The following CAMKV variants were observed in gnomAD, a reference collection of about 807,000 sequenced individuals.
CAMKV encodes the protein caM kinase-like vesicle-associated protein.
A neutral mutation model predicts 50.2 loss-of-function variants in CAMKV; 5 were observed. The ratio of observed to expected loss-of-function variants is 0.10; its 90% CI spans 0.05 to 0.21. CAMKV has a LOEUF of 0.21. Ranked by LOEUF, CAMKV falls within the 10% of genes least tolerant of loss-of-function variation. The pLI is 1.00. For synonymous variants in CAMKV, 229 were observed against 250.1 expected (o/e 0.92, Z 0.80); for missense variants, 361 against 650.5 (o/e 0.55, Z 4.84).
chr3:49,859,951 C>T lies in CAMKV; in HGVS notation c.943-70G>A. ...GATCCATTGCTTGGCAGTGACCAAA[C>T]CAAACTCCTTCCATAGTACCCCCGG... On this transcript the variant is annotated intron_variant, in intron 10 of 10. Coordinates refer to ENST00000477224, the MANE Select transcript of CAMKV (RefSeq NM_024046.5). This position sits in a 1 kb window ranked among gnomAD's most constrained non-coding sequence, Gnocchi z 5.5. The T allele has an allele frequency of 7.0e-7, 1 of 1,422,004 alleles. No homozygotes were observed. The highest frequency in any genetic ancestry group is 9.4e-7 in the Non-Finnish European group (1 of 1,066,360). The allele number at this position is 1,422,004 out of a possible 1,614,324, so 88.1% of individuals were successfully genotyped here. A position where few individuals can be genotyped will look rare whatever the true frequency, so the allele number is the denominator to read the frequency against.
chr3:49,859,402 G>A lies in CAMKV; in HGVS notation c.1422C>T (p.Gly474=), dbSNP rs199584092. Residue 474 remains glycine, a synonymous_variant, in exon 11 of 11, where the codon GGC becomes GGT. Coordinates refer to ENST00000477224, the MANE Select transcript of CAMKV (RefSeq NM_024046.5). The surrounding 1 kb of genome is among the most constrained non-coding windows in gnomAD (Gnocchi z 5.5). ...MAQPDSTAPE[G]ATGQAPPSSK... ...TAGAGGGTGGAGCCTGGCCTGTGGC[G>A]CCCTCTGGGGCTGTGCTGTCCGGCT... The A allele has an allele frequency of 2.6e-5, 42 of 1,600,132 alleles. No homozygotes were observed. In the Middle Eastern group the frequency reaches 6.7e-4, roughly 25 times the overall value.
In CAMKV at chr3:49,858,978, G is replaced by C. The variant is rs2081998481; in HGVS notation, c.*340C>G. ...CAGGGCCTGCCTAGGGGAATGGTGA[G>C]GCAAGAAGGGAAGGGGAAGGAGAGC... On this transcript the variant is annotated 3_prime_UTR_variant, in exon 11 of 11. Coordinates refer to ENST00000477224, the MANE Select transcript of CAMKV (RefSeq NM_024046.5). 4.3e-6 allele frequency: 1 copy of C among 230,998 alleles called. No individual in the cohort carries two copies. The highest frequency in any genetic ancestry group is 2.2e-5 in the African/African-American group (1 of 44,488). The allele number at this position is 230,998 out of a possible 1,614,324, so 14.3% of individuals were successfully genotyped here.
rs1471952203 is a variant in CAMKV, at chr3:49,860,141, G to C, written c.942+30C>G. On this transcript the variant is annotated intron_variant, in intron 10 of 10. Coordinates refer to ENST00000477224, the MANE Select transcript of CAMKV (RefSeq NM_024046.5). This position sits in a 1 kb window ranked among gnomAD's most constrained non-coding sequence, Gnocchi z 6.1. The stretch of plus-strand genomic sequence containing the variant: ...AGTGCCAGAAGCAATACTTGGGATA[G>C]AGCCAAGAAGGGAGTTATCCAAGCC... 4 of 1,585,954 alleles carry C rather than the reference G, an allele frequency of 2.5e-6. No homozygotes were observed. Among genetic ancestry groups the C allele is most frequent in the Non-Finnish European group, 3.5e-6 (4 of 1,154,406 alleles).
In CAMKV at chr3:49,862,263, C is replaced by T; in HGVS notation, c.95+31G>A. On this transcript the variant is annotated intron_variant, in intron 2 of 10. Transcript: ENST00000477224. This position sits in a 1 kb window ranked among gnomAD's most constrained non-coding sequence, Gnocchi z 5.2. ...TCCCTAGCCCCTGCTCACCAGCCCA[C>T]CCAGCCTTGCCTGACAGGCCCGGCA... 6.2e-7 allele frequency: 1 copy of T among 1,614,146 alleles called. No individual in the cohort carries two copies. The highest frequency in any genetic ancestry group is 8.5e-7 in the Non-Finnish European group (1 of 1,180,010).
chr3:49,859,917 G>T lies in CAMKV; in HGVS notation c.943-36C>A. 1.3e-6 allele frequency: 2 copies of T among 1,498,732 alleles called. No individual in the cohort carries two copies. The highest frequency in any genetic ancestry group is 2.3e-5 in the East Asian group (1 of 44,036). The allele number at this position is 1,498,732 out of a possible 1,614,324, so 92.8% of individuals were successfully genotyped here. A position where few individuals can be genotyped will look rare whatever the true frequency, so the allele number is the denominator to read the frequency against. The stretch of plus-strand genomic sequence containing the variant: ...CACAGTGGAGAAAGGCTAAGGGTGA[G>T]GCTTGCTGGATCCATTGCTTGGCAG... On this transcript the variant is annotated intron_variant, in intron 10 of 10. Transcript: ENST00000477224. This position sits in a 1 kb window ranked among gnomAD's most constrained non-coding sequence, Gnocchi z 5.5.
chr3:49,867,243 C>T (rs1321067154), intron 1 of CAMKV, among the ~76,000 whole-genome samples: 1 of 152,270 alleles, frequency 6.6e-6, no homozygotes, highest in Admixed American at 6.5e-5. Flanking sequence ...GGCCAAGCTT[C>T]TAGACCACCA....
At chr3:49,863,008 C>G (rs991684459) in intron 1 of CAMKV, among the ~76,000 whole-genome samples, 6 of 152,194 alleles carry the variant, frequency 3.9e-5, no homozygotes, top group Admixed American at 3.9e-4. Flanking sequence ...TGAAAACAGA[C>G]CAAATACCAC....
chr3:49,867,622 GA>G (rs888252496), intron 1 of CAMKV, among the ~76,000 whole-genome samples: 1 of 152,172 alleles, frequency 6.6e-6, no homozygotes, highest in African/African-American at 2.4e-5. Context: ...AGGGGAGGGG[GA>G]GGGGAGATGT....
chr3:49,863,845 G>A (rs574218434), intron 1 of CAMKV, among the ~76,000 whole-genome samples: 1 of 151,900 alleles, frequency 6.6e-6, no homozygotes, highest in Admixed American at 6.6e-5. Flanking sequence ...TTTTTTTGTA[G>A]ATACAGGATT....
At chr3:49,865,867 G>T (rs1176495951) in intron 1 of CAMKV, among the ~76,000 whole-genome samples, 1 of 152,218 alleles carries the variant, frequency 6.6e-6, no homozygotes, top group African/African-American at 2.4e-5. Context: ...TGGGTGGGAG[G>T]TTTTGTGCAT....
chr3:49,865,927 GC>G (rs2082061700), intron 1 of CAMKV, among the ~76,000 whole-genome samples: 1 of 152,166 alleles, frequency 6.6e-6, no homozygotes, highest in South Asian at 2.1e-4. Flanking sequence ...ATGCATTCGT[GC>G]CCACTGAGGT....
rs2681781 is a variant in CAMKV, at chr3:49,860,840, A to G, written c.651T>C (p.Asn217=). The change falls in exon 8 of 11, where the codon AAT becomes AAC. Residue 217 remains asparagine (N), a synonymous_variant. Transcript: ENST00000477224. This position sits in a 1 kb window ranked among gnomAD's most constrained non-coding sequence, Gnocchi z 6.1. ...CTTCCACCTCCTCATAGAAAGGTGG[A>G]TTGCCTGAAAGCCTGCATGGGGGAA... The part of the protein sequence containing the change: ...GVIMYILLSG[N]PPFYEEVEED... The G allele has an allele frequency of 0.47, 757,588 of 1,613,624 alleles. 186,207 individuals carry two copies. Among genetic ancestry groups the G allele is most frequent in the African/African-American group, 0.64 (47,614 of 74,912 alleles).
In CAMKV at chr3:49,860,364, G is replaced by A; in HGVS notation, c.855-106C>T. The A allele has an allele frequency of 6.6e-7, 1 of 1,512,616 alleles. No individual in the cohort carries two copies. Among genetic ancestry groups the A allele is most frequent in the Non-Finnish European group, 9.2e-7 (1 of 1,091,582 alleles). 93.7% of individuals were successfully genotyped at this position (1,512,616 alleles called of 1,614,324 possible). ...AGGGACTACCAGGCAGAGCCTCTGGGCTGCCCTGAGCTCTAGGTACCTGCA... is the reference window on the plus strand; with the variant it reads ...AGGGACTACCAGGCAGAGCCTCTGGACTGCCCTGAGCTCTAGGTACCTGCA... On this transcript the variant is annotated intron_variant, in intron 9 of 10. Transcript: ENST00000477224. The surrounding 1 kb of genome is among the most constrained non-coding windows in gnomAD (Gnocchi z 6.1).
chr3:49,861,489 C>G lies in CAMKV; in HGVS notation c.391G>C (p.Glu131Gln). 1 of 1,614,178 alleles carries G rather than the reference C, an allele frequency of 6.2e-7. No homozygotes were observed. Among genetic ancestry groups the G allele is most frequent in the Non-Finnish European group, 8.5e-7 (1 of 1,180,040 alleles). ...DTSNVVRQVL[E>Q]AVAYLHSLKI... is the part of the protein sequence containing the mutation. ...AGTGAGTGCAAATAGGCCACGGCCTCCAGGACTTGCCGTACCACGTTGCTT... is the reference window on the plus strand; with the variant it reads ...AGTGAGTGCAAATAGGCCACGGCCTGCAGGACTTGCCGTACCACGTTGCTT... The change falls in exon 5 of 11, where the codon GAG (glutamate) becomes CAG (glutamine). Residue 131 changes from glutamate to glutamine, a missense_variant. Glu to Gln is a conservative substitution (Grantham distance 29, BLOSUM62 2). Around this residue, in one of 4 missense-constraint regions of CAMKV, gnomAD observed 172 missense variants for 414.3 expected, o/e 0.42. Transcript: ENST00000477224. This position sits in a 1 kb window ranked among gnomAD's most constrained non-coding sequence, Gnocchi z 7.7.
chr3:49,864,189 A>C (rs2082045883), intron 1 of CAMKV, among the ~76,000 whole-genome samples: 1 of 152,200 alleles, frequency 6.6e-6, no homozygotes, highest in Non-Finnish European at 1.5e-5. Flanking sequence ...GATTCCTCAG[A>C]GGGATAATCT....
In CAMKV at chr3:49,859,895, A is replaced by G. The variant is rs757732533; in HGVS notation, c.943-14T>C. 6.6e-7 allele frequency: 1 copy of G among 1,508,966 alleles called. No individual in the cohort carries two copies. The highest frequency in any genetic ancestry group is 2.3e-5 in the East Asian group (1 of 44,122). 93.5% of individuals were successfully genotyped at this position (1,508,966 alleles called of 1,614,324 possible). On this transcript the variant is annotated splice_polypyrimidine_tract_variant and intron_variant, in intron 10 of 10. Coordinates refer to ENST00000477224, the MANE Select transcript of CAMKV (RefSeq NM_024046.5). The surrounding 1 kb of genome is among the most constrained non-coding windows in gnomAD (Gnocchi z 5.5). ...TCGGACAGCCTTCTGAAAGGAGCAC[A>G]GTGGAGAAAGGCTAAGGGTGAGGCT...
Position 49,859,681 on chromosome 3 carries a change from G to T in CAMKV, c.1143C>A (p.Pro381=). The T allele has an allele frequency of 6.2e-7, 1 of 1,613,824 alleles. No homozygotes were observed. The highest frequency in any genetic ancestry group is 8.5e-7 in the Non-Finnish European group (1 of 1,179,906). Residue 381 remains proline (P), a synonymous_variant, in exon 11 of 11, where the codon CCC becomes CCA. Coordinates refer to ENST00000477224, the MANE Select transcript of CAMKV (RefSeq NM_024046.5). This position sits in a 1 kb window ranked among gnomAD's most constrained non-coding sequence, Gnocchi z 5.5. ...TGGCTGGGGTGGCACTACGGTCTGC[G>T]GGGGCCACATTATCACTCTTTGCAG... ...ARAAKSDNVA[P]ADRSATPATD...
Position 49,862,646 on chromosome 3 carries a change from T to C in CAMKV, c.-14-244A>G, listed in dbSNP as rs1465576671. On this transcript the variant is annotated intron_variant, in intron 1 of 10. Coordinates refer to ENST00000477224, the MANE Select transcript of CAMKV (RefSeq NM_024046.5). The surrounding 1 kb of genome is among the most constrained non-coding windows in gnomAD (Gnocchi z 5.2). ...TGAAAAAATGTATTAAGCTGATATATAAGGGAATAGTTTTGTATTCTATAC... is the reference window on the plus strand; with the variant it reads ...TGAAAAAATGTATTAAGCTGATATACAAGGGAATAGTTTTGTATTCTATAC... Among the ~76,000 whole-genome samples, 2 of 152,210 alleles carry C rather than the reference T, an allele frequency of 1.3e-5. No homozygotes were observed.
rs147195969 is a variant in CAMKV at position 49,860,723 on chromosome 3, C to G, written c.768G>C (p.Ser256=). 6.2e-7 allele frequency: 1 copy of G among 1,613,960 alleles called. No homozygotes were observed. Among genetic ancestry groups the G allele is most frequent in the Admixed American group, 1.7e-5 (1 of 60,002 alleles). Reference sequence around the variant, plus strand: ...GGGCAGGCACCTCCTCACCTGCCTGCGAAATATCATCCCAATATGGAGAGT... The same window carrying G: ...GGGCAGGCACCTCCTCACCTGCCTGGGAAATATCATCCCAATATGGAGAGT... The part of the protein sequence containing the change: ...EFDSPYWDDI[S]QAAKDLVTRL... The change falls in exon 8 of 11, where the codon TCG becomes TCC. Residue 256 remains serine (S), a synonymous_variant. Coordinates refer to ENST00000477224, the MANE Select transcript of CAMKV (RefSeq NM_024046.5). This position sits in a 1 kb window ranked among gnomAD's most constrained non-coding sequence, Gnocchi z 6.1.
Sources: allele counts gnomAD v4.1 joint callset (sites outside exome capture counted in the v4.1 genomes callset), GRCh38; gene constraint gnomAD v4.1.1; regional missense constraint gnomAD v4.1.1; non-coding constraint Gnocchi (gnomAD v3.1); transcripts MANE v1.5; gene names NCBI Gene and HGNC (gene_info 2026-07-23, HGNC 2026-07-21).